NAB1: variants seen among roughly 807,000 people sequenced by gnomAD.
The protein encoded by NAB1 is NGFI-A-binding protein 1.
In NAB1, 25 loss-of-function variants were observed where a neutral mutation model predicts 49.9. That is an observed-to-expected ratio of 0.50 (90% CI 0.37 to 0.70). The LOEUF is 0.70. Among genes scored for constraint, NAB1 ranks in the 30% least tolerant of loss-of-function variants. The probability of loss-of-function intolerance (pLI) is 0.00; values close to 1 mark genes in which losing one functional copy is unlikely to be tolerated. For missense variants in NAB1, 489 were observed against 575.9 expected, an observed-to-expected ratio of 0.85 and a Z score of 1.54; for synonymous variants, 198 against 215.6, an observed-to-expected ratio of 0.92 and a Z score of 0.71.
rs1693646035 is a variant in NAB1 at position 190,651,127 on chromosome 2, T to C, written c.-197+1145T>C. Among the ~76,000 whole-genome samples, 1 of 152,238 alleles carries C rather than the reference T, an allele frequency of 6.6e-6. No homozygotes were observed. The highest frequency in any genetic ancestry group is 1.5e-5 in the Non-Finnish European group (1 of 68,048). ...CTGTAGATTTTTATTTTATTCTGCC[T>C]GCTAATTATGGATGTAATTCAAATG... is the stretch of plus-strand genomic sequence containing the variant. On this transcript the variant is annotated intron_variant, in intron 2 of 9. Coordinates refer to ENST00000337386, the MANE Select transcript of NAB1 (RefSeq NM_005966.4). The surrounding 1 kb of genome is among the most constrained non-coding windows in gnomAD (Gnocchi z 4.3).
Position 190,657,422 on chromosome 2 carries a change from C to T in NAB1, c.-20+1269C>T, listed in dbSNP as rs1693980406. 6.6e-6 allele frequency among the ~76,000 whole-genome samples: 1 copy of T among 152,176 alleles called. No homozygotes were observed. Among genetic ancestry groups the T allele is most frequent in the Non-Finnish European group, 1.5e-5 (1 of 68,032 alleles). On this transcript the variant is annotated intron_variant, in intron 3 of 9. Coordinates refer to ENST00000337386, the MANE Select transcript of NAB1 (RefSeq NM_005966.4). This position sits in a 1 kb window ranked among gnomAD's most constrained non-coding sequence, Gnocchi z 4.4. The stretch of plus-strand genomic sequence containing the variant: ...CCCGGAGGATTTATTAAGTAGGAAT[C>T]TTGTGCAGTGTGTCATATTTGCCTA...
At chr2:190,660,373 A>G (rs1394556850) in intron 4 of NAB1, among the ~76,000 whole-genome samples, 10 of 152,242 alleles carry the variant, frequency 6.6e-5, no homozygotes, top group Non-Finnish European at 1.2e-4. Context: ...TTTTAAAGAA[A>G]AAATTTCATA....
rs1317429931 is a variant in NAB1 at position 190,649,796 on chromosome 2, T to G, written c.-333-50T>G. The stretch of plus-strand genomic sequence containing the variant: ...AAAAGTGCTGCACTTACCGTCTCGA[T>G]TTTCTTCTTGGGTATCTTCCCTTTC... On this transcript the variant is annotated intron_variant, in intron 1 of 9. Coordinates refer to ENST00000337386, the MANE Select transcript of NAB1 (RefSeq NM_005966.4). The surrounding 1 kb of genome is among the most constrained non-coding windows in gnomAD (Gnocchi z 6.1). 6.6e-6 allele frequency: 1 copy of G among 152,212 alleles called. No individual in the cohort carries two copies. Among genetic ancestry groups the G allele is most frequent in the African/African-American group, 2.4e-5 (1 of 41,452 alleles). 9.4% of individuals were successfully genotyped at this position (152,212 alleles called of 1,614,324 possible). A position where few individuals can be genotyped will look rare whatever the true frequency, so the allele number is the denominator to read the frequency against.
rs1212336410 is a variant in NAB1, at chr2:190,675,219, T to G, written c.1005+2067T>G. ...TTAGTTGCTAGGCTAGAAATATGTC[T>G]CTATCTATTTCTCACCATTGGCCCT... On this transcript the variant is annotated intron_variant, in intron 6 of 9. Coordinates refer to ENST00000337386, the MANE Select transcript of NAB1 (RefSeq NM_005966.4). The surrounding 1 kb of genome is among the most constrained non-coding windows in gnomAD (Gnocchi z 5.2). 6.6e-6 allele frequency among the ~76,000 whole-genome samples: 1 copy of G among 152,206 alleles called. No homozygotes were observed. Among genetic ancestry groups the G allele is most frequent in the Non-Finnish European group, 1.5e-5 (1 of 68,032 alleles).
chr2:190,659,767 C>T lies in NAB1; in HGVS notation c.591C>T (p.Leu197=), dbSNP rs917377504. The part of the protein sequence containing the change: ...SSEALDAAAA[L]SVAECVERMA... ...AGGCGCTGGATGCTGCTGCTGCGCTCTCTGTGGCTGAGTGTGTGGAGCGGA... is the reference window on the plus strand; with the variant it reads ...AGGCGCTGGATGCTGCTGCTGCGCTTTCTGTGGCTGAGTGTGTGGAGCGGA... Residue 197 remains leucine (L), a synonymous_variant, in exon 4 of 10, where the codon CTC becomes CTT. Transcript: ENST00000337386. The surrounding 1 kb of genome is among the most constrained non-coding windows in gnomAD (Gnocchi z 6.2). 1.9e-6 allele frequency: 3 copies of T among 1,614,006 alleles called. No individual in the cohort carries two copies. Among genetic ancestry groups the T allele is most frequent in the African/African-American group, 2.7e-5 (2 of 74,940 alleles).
In NAB1 at chr2:190,663,407, C is replaced by A. The variant is rs1694324712; in HGVS notation, c.819+3412C>A. ...GCAAACTAGGGTCTGTGTGCCCAGT[C>A]TCACTCACCTCCTGTTTTTATAAAT... is the stretch of plus-strand genomic sequence containing the variant. On this transcript the variant is annotated intron_variant, in intron 4 of 9. Coordinates refer to ENST00000337386, the MANE Select transcript of NAB1 (RefSeq NM_005966.4). This position sits in a 1 kb window ranked among gnomAD's most constrained non-coding sequence, Gnocchi z 4.2. Among the ~76,000 whole-genome samples the A allele has an allele frequency of 6.6e-6, 1 of 152,162 alleles. No individual in the cohort carries two copies. Among genetic ancestry groups the A allele is most frequent in the African/African-American group, 2.4e-5 (1 of 41,428 alleles).
intron 2 of NAB1, among the ~76,000 whole-genome samples, chr2:190,653,451 A>G (rs571562995): frequency 6.6e-6 from 1 of 152,344 alleles, no homozygotes; most frequent in Admixed American, 6.5e-5. Flanking sequence ...AGATAATTTT[A>G]AAGTAAAAAT....
At chr2:190,688,870 C>T (rs940416194) in intron 9 of NAB1, among the ~76,000 whole-genome samples, 1 of 145,138 alleles carries the variant, frequency 6.9e-6, no homozygotes, top group Non-Finnish European at 1.5e-5. Context: ...GATGGAGTCT[C>T]GCTTTCTCGC....
rs138073971 is a variant in NAB1 at position 190,682,440 on chromosome 2, A to G, written c.1006-1298A>G. Among the ~76,000 whole-genome samples, 1,065 of 152,346 alleles carry G rather than the reference A, an allele frequency of 7.0e-3. 13 individuals are homozygous for G. Among genetic ancestry groups the G allele is most frequent in the African/African-American group, 0.024 (1,005 of 41,564 alleles). ...GCTCCATTTCCTGTCATAGGTTATG[A>G]TAAAGGTGAAATCGCAAGCCAACAT... On this transcript the variant is annotated intron_variant, in intron 6 of 9. Transcript: ENST00000337386. This position sits in a 1 kb window ranked among gnomAD's most constrained non-coding sequence, Gnocchi z 4.1.
rs1283394795 is a variant in NAB1, at chr2:190,657,092, G to C, written c.-20+939G>C. 6.6e-6 allele frequency among the ~76,000 whole-genome samples: 1 copy of C among 152,132 alleles called. No individual in the cohort carries two copies. The highest frequency in any genetic ancestry group is 2.4e-5 in the African/African-American group (1 of 41,424). On this transcript the variant is annotated intron_variant, in intron 3 of 9. Transcript: ENST00000337386. This position sits in a 1 kb window ranked among gnomAD's most constrained non-coding sequence, Gnocchi z 4.4. Reference sequence around the variant, plus strand: ...AGCCTATGGAGGAATTGCACGAGGTGTATGATAGGAAAGTAAATGTCCTTT... The same window carrying C: ...AGCCTATGGAGGAATTGCACGAGGTCTATGATAGGAAAGTAAATGTCCTTT...
intron 9 of NAB1, among the ~76,000 whole-genome samples, chr2:190,688,819 C>CTTTCTTTCCTTTCT (rs1235335445): frequency 6.9e-6 from 1 of 144,716 alleles, no homozygotes; most frequent in African/African-American, 2.6e-5. Context: ...CTTTTCTTTC[C>CTTTCTTTCCTTTCT]TTTCTTTCTT....
At position 190,659,538 on chromosome 2, in the gene NAB1, G is replaced by A. The variant is rs760296647; in HGVS notation, c.362G>A (p.Arg121Gln). The stretch of plus-strand genomic sequence containing the variant: ...AGTTATGAAAGGAGTAGCAATGCCC[G>A]GGAACCTCATTTAAAAATCCCCAAA... Reference protein sequence around the residue: ...CSSYERSSNAREPHLKIPKCA... With the variant: ...CSSYERSSNAQEPHLKIPKCA... The change falls in exon 4 of 10, where the codon CGG becomes CAG. Residue 121 changes from arginine to glutamine, a missense_variant. Arg to Gln is a conservative substitution (Grantham distance 43). Around this residue, in one of 4 missense-constraint regions of NAB1, gnomAD observed 204 missense variants for 220.9 expected, o/e 0.92. Transcript: ENST00000337386. This position sits in a 1 kb window ranked among gnomAD's most constrained non-coding sequence, Gnocchi z 6.2. 1.2e-6 allele frequency: 2 copies of A among 1,614,186 alleles called. No homozygotes were observed. The highest frequency in any genetic ancestry group is 1.1e-5 in the South Asian group (1 of 91,090).
rs13384519 is a variant in NAB1, at chr2:190,669,181, A to C, written c.820-1145A>C. Among the ~76,000 whole-genome samples, 15,969 of 152,254 alleles carry C rather than the reference A, an allele frequency of 0.1. 1,437 individuals are homozygous for C. Among genetic ancestry groups the C allele is most frequent in the African/African-American group, 0.23 (9,713 of 41,504 alleles). On this transcript the variant is annotated intron_variant, in intron 4 of 9. Transcript: ENST00000337386. This position sits in a 1 kb window ranked among gnomAD's most constrained non-coding sequence, Gnocchi z 4.3. ...TGGATGAGACAGAGTGAGATGGCACACAGTTTAAAACTTATGAATTGTTTA... is the reference window on the plus strand; with the variant it reads ...TGGATGAGACAGAGTGAGATGGCACCCAGTTTAAAACTTATGAATTGTTTA...
chr2:190,664,241 T>C (rs1694373053), intron 4 of NAB1, among the ~76,000 whole-genome samples: 1 of 152,234 alleles, frequency 6.6e-6, no homozygotes, highest in Admixed American at 6.5e-5. Context: ...CGCAGTAATC[T>C]TATTAACCTT....
chr2:190,672,600 T>G (rs1694868733), intron 5 of NAB1, among the ~76,000 whole-genome samples: 1 of 152,204 alleles, frequency 6.6e-6, no homozygotes, highest in Non-Finnish European at 1.5e-5. Flanking sequence ...TTTTAGTCAT[T>G]TTATCCTAAA....
At chr2:190,664,549 CCTTCCTTCCTTT>C (rs1349761810) in intron 4 of NAB1, among the ~76,000 whole-genome samples, 83 of 137,530 alleles carry the variant, frequency 6.0e-4, no homozygotes, top group East Asian at 3.0e-3. Context: ...TTCCTTCCTT[CCTTCCTTCCTTT>C]CTTCCTCTCT....
rs370593063 is a variant in NAB1 at position 190,651,578 on chromosome 2, C to T, written c.-197+1596C>T. On this transcript the variant is annotated intron_variant, in intron 2 of 9. Coordinates refer to ENST00000337386, the MANE Select transcript of NAB1 (RefSeq NM_005966.4). This position sits in a 1 kb window ranked among gnomAD's most constrained non-coding sequence, Gnocchi z 4.3. ...TAAAGAAAATATAGACATGGGGTCT[C>T]GCTGTGTTGCCCAGGTTGGCCTCAA... Among the ~76,000 whole-genome samples, 7 of 152,210 alleles carry T rather than the reference C, an allele frequency of 4.6e-5. No homozygotes were observed. The highest frequency in any genetic ancestry group is 1.9e-4 in the East Asian group (1 of 5,186).
At position 190,666,915 on chromosome 2, in the gene NAB1, A is replaced by T. The variant is rs569470662; in HGVS notation, c.820-3411A>T. 4.9e-4 allele frequency among the ~76,000 whole-genome samples: 75 copies of T among 152,330 alleles called. No individual in the cohort carries two copies. Among genetic ancestry groups the T allele is most frequent in the Non-Finnish European group, 9.1e-4 (62 of 68,032 alleles). ...ACGGGAATATTTTCATATTTTCCCA[A>T]CTGCTTGGGAATATTTTCATTTTTC... On this transcript the variant is annotated intron_variant, in intron 4 of 9. Coordinates refer to ENST00000337386, the MANE Select transcript of NAB1 (RefSeq NM_005966.4). This position sits in a 1 kb window ranked among gnomAD's most constrained non-coding sequence, Gnocchi z 5.6.
At position 190,689,593 on chromosome 2, in the gene NAB1, G is replaced by T. The variant is rs1408345133; in HGVS notation, c.1376-652G>T. ...CTTTACATAAAGGTTACATTTGATTGTTATTCTGTAGTGTTTGTGTATGGT... is the reference window on the plus strand; with the variant it reads ...CTTTACATAAAGGTTACATTTGATTTTTATTCTGTAGTGTTTGTGTATGGT... On this transcript the variant is annotated intron_variant, in intron 9 of 9. Coordinates refer to ENST00000337386, the MANE Select transcript of NAB1 (RefSeq NM_005966.4). This position sits in a 1 kb window ranked among gnomAD's most constrained non-coding sequence, Gnocchi z 4.3. Among the ~76,000 whole-genome samples, 1 of 152,038 alleles carries T rather than the reference G, an allele frequency of 6.6e-6. No individual in the cohort carries two copies. The highest frequency in any genetic ancestry group is 1.5e-5 in the Non-Finnish European group (1 of 67,976).
Sources: allele counts gnomAD v4.1 joint callset (sites outside exome capture counted in the v4.1 genomes callset), GRCh38; gene constraint gnomAD v4.1.1; regional missense constraint gnomAD v4.1.1; non-coding constraint Gnocchi (gnomAD v3.1); transcripts MANE v1.5; gene names NCBI Gene and HGNC (gene_info 2026-07-23, HGNC 2026-07-21).